Variants in TUT1 observed in about 807,000 individuals in gnomAD.
The protein encoded by TUT1 is speckle targeted PIP5K1A-regulated poly(A) polymerase.
In TUT1, 26 loss-of-function variants were observed where a neutral mutation model predicts 48.8. The observed-to-expected ratio is 0.53, with a 90% CI of 0.39 to 0.74. TUT1 has a LOEUF of 0.74. TUT1 is among the 30% of genes least tolerant of loss of function. The pLI, the probability that TUT1 is intolerant of heterozygous loss-of-function variation, is 0.00. For synonymous variants in TUT1, 470 were observed against 460.8 expected (o/e 1.02, Z -0.26); for missense variants, 1,065 against 1,114.8 (o/e 0.96, Z 0.64).
rs148526207 is a variant in TUT1 at position 62,590,744 on chromosome 11, T to G, written c.82+660A>C. ...GGGGTATGGTTTGAGCCCGGGAGGT[T>G]GAGGCTGCAGTGAGCCAAGATCACA... On this transcript the variant is annotated intron_variant, in intron 1 of 8. Transcript: ENST00000476907. Among the ~76,000 whole-genome samples the G allele has an allele frequency of 7.4e-5, 11 of 149,176 alleles. No homozygotes were observed. In the East Asian group the frequency reaches 2.1e-3, roughly 29 times the overall value.
In TUT1 at chr11:62,576,225, G is replaced by T; in HGVS notation, c.1494C>A (p.Phe498Leu). 2 of 1,594,326 alleles carry T rather than the reference G, an allele frequency of 1.3e-6. No homozygotes were observed. The highest frequency in any genetic ancestry group is 1.3e-5 in the African/African-American group (1 of 74,178). The part of the protein sequence containing the change: ...VEPLSSLLAQ[F>L]FSCVSCWDLR... Reference sequence around the variant, plus strand: ...GATCCCAACAAGATACACAGGAGAAGAACTGGGCTAGCAGGGAACCTGGAG... The same window carrying T: ...GATCCCAACAAGATACACAGGAGAATAACTGGGCTAGCAGGGAACCTGGAG... Residue 498 changes from phenylalanine (F) to leucine (L), a missense_variant, in exon 9 of 9, where the codon TTC becomes TTA. Physicochemically the swap from Phe to Leu is conservative, Grantham distance 22. Coordinates refer to ENST00000476907, the MANE Select transcript of TUT1 (RefSeq NM_022830.3).
chr11:62,576,096 G>A lies in TUT1; in HGVS notation c.1623C>T (p.Leu541=), dbSNP rs544937112. ...TGTGACTCAGGTCAAAAGGGTCCTG[G>A]AGATTCAGGGGGCCAAGGCGCAGAC... ...WEGLRLGPLN[L]QDPFDLSHNV... The change falls in exon 9 of 9, where the codon CTC becomes CTT. Residue 541 remains leucine (L), a synonymous_variant. Coordinates refer to ENST00000476907, the MANE Select transcript of TUT1 (RefSeq NM_022830.3). 6.2e-6 allele frequency: 10 copies of A among 1,614,042 alleles called. No homozygotes were observed. The African/African-American group carries it at 1.2e-4, about 19-fold the overall frequency.
intron 1 of TUT1, among the ~76,000 whole-genome samples, chr11:62,590,742 GT>G (rs1941997160): frequency 1.3e-5 from 2 of 151,870 alleles, no homozygotes; most frequent in African/African-American, 4.8e-5. Context: ...AGCCCGGGAG[GT>G]TGAGGCTGCA....
intron 2 of TUT1, chr11:62,582,586 C>A: frequency 2.2e-6 from 1 of 455,224 alleles, no homozygotes; most frequent in Non-Finnish European, 4.4e-6. Context: ...TGAGAGACAG[C>A]GAGACCCTGT....
chr11:62,591,412 G>A lies in TUT1; in HGVS notation c.74C>T (p.Thr25Ile). 3 of 1,597,072 alleles carry A rather than the reference G, an allele frequency of 1.9e-6. No individual in the cohort carries two copies. The highest frequency in any genetic ancestry group is 2.6e-6 in the Non-Finnish European group (3 of 1,172,568). Residue 25 changes from threonine (T) to isoleucine (I), a missense_variant, in exon 1 of 9, where the codon ACA (threonine) becomes ATA (isoleucine). Physicochemically the swap from Thr to Ile is moderately conservative, Grantham distance 89. Coordinates refer to ENST00000476907, the MANE Select transcript of TUT1 (RefSeq NM_022830.3). Reference sequence around the variant, plus strand: ...CACTAGCCACCGCTTACGGTTGGCTGTAGTAACGTGGCAGAGGCAGCAGCG... The same window carrying A: ...CACTAGCCACCGCTTACGGTTGGCTATAGTAACGTGGCAGAGGCAGCAGCG... Reference protein sequence around the residue: ...GFRCCLCHVTTANRPSLDAHL... With the variant: ...GFRCCLCHVTIANRPSLDAHL...
chr11:62,580,601 CTTTTTTTTTT>C (rs1220183156), intron 4 of TUT1, among the ~76,000 whole-genome samples: 1 of 111,972 alleles, frequency 8.9e-6, no homozygotes, highest in African/African-American at 3.7e-5. Flanking sequence ...CATGTCAATT[CTTTTTTTTTT>C]TTTTTTTTTT....
chr11:62,581,147 G>A lies in TUT1; in HGVS notation c.649C>T (p.Leu217Phe). 2 of 1,614,162 alleles carry A rather than the reference G, an allele frequency of 1.2e-6. No homozygotes were observed. Among genetic ancestry groups the A allele is most frequent in the South Asian group, 1.1e-5 (1 of 91,086 alleles). The change falls in exon 4 of 9, where the codon CTT (leucine) becomes TTT (phenylalanine). Residue 217 changes from leucine to phenylalanine, a missense_variant. Transcript: ENST00000476907. ...INSFDVHGCD[L>F]DLFLDLGDLE... ...TCACCCAGATCCAAGAAGAGGTCAA[G>A]ATCACAGCCATGGACATCGAAGCTA...
At chr11:62,585,413 C>T (rs1011453882) in intron 2 of TUT1, among the ~76,000 whole-genome samples, 1 of 152,204 alleles carries the variant, frequency 6.6e-6, no homozygotes, top group African/African-American at 2.4e-5. Context: ...CTGCAGTACA[C>T]CACCAAGTTT....
chr11:62,579,546 A>G (rs992842626), intron 4 of TUT1, among the ~76,000 whole-genome samples: 7 of 152,218 alleles, frequency 4.6e-5, no homozygotes, highest in African/African-American at 1.7e-4. Flanking sequence ...GTGTAGAGAA[A>G]GATAAAAATA....
intron 2 of TUT1, among the ~76,000 whole-genome samples, chr11:62,587,749 G>A (rs992901186): frequency 6.6e-6 from 1 of 152,236 alleles, no homozygotes; most frequent in Non-Finnish European, 1.5e-5. Context: ...GGGCTGCAAA[G>A]GGATATTTTG....
intron 5 of TUT1, 27 bp downstream of exon 5, chr11:62,578,534 A>G: frequency 6.4e-7 from 1 of 1,552,026 alleles, no homozygotes; most frequent in Non-Finnish European, 8.7e-7. Flanking sequence ...AACGAGTGAA[A>G]TGTCGTCTCA....
intron 4 of TUT1, among the ~76,000 whole-genome samples, chr11:62,580,266 C>T (rs530729935): frequency 1.5e-4 from 23 of 152,134 alleles, no homozygotes; most frequent in African/African-American, 5.5e-4. Flanking sequence ...CAAGACCAGT[C>T]TGGCCTACAT....
At position 62,578,909 on chromosome 11, in the gene TUT1, T is replaced by C. The variant is rs555954379; in HGVS notation, c.812A>G (p.Gln271Arg). 38 of 1,587,136 alleles carry C rather than the reference T, an allele frequency of 2.4e-5. No individual in the cohort carries two copies. In the South Asian group the frequency reaches 4.1e-4, roughly 17 times the overall value. ...TTCAAAGTCCAGGGCTTCAGAATCC[T>C]GGGGAGAAGCAGGAGGTTGTGAATC... Reference protein sequence around the residue: ...PPDSQPPASPQDSEALDFETP... With the variant: ...PPDSQPPASPRDSEALDFETP... The change falls in exon 5 of 9, where the codon CAG (glutamine) becomes CGG (arginine). Residue 271 changes from glutamine (Q) to arginine (R), a missense_variant. Coordinates refer to ENST00000476907, the MANE Select transcript of TUT1 (RefSeq NM_022830.3).
At chr11:62,584,943 T>A (rs1427169378) in intron 2 of TUT1, among the ~76,000 whole-genome samples, 1 of 151,940 alleles carries the variant, frequency 6.6e-6, no homozygotes, top group Non-Finnish European at 1.5e-5. Flanking sequence ...TGCCTCAGTC[T>A]CCTGAATAGC....
intron 5 of TUT1, among the ~76,000 whole-genome samples, chr11:62,577,570 G>A (rs1941750046): frequency 7.2e-6 from 1 of 139,166 alleles, no homozygotes; most frequent in Admixed American, 7.4e-5. Flanking sequence ...GGGTGACAGA[G>A]CAACATCCCA....
intron 2 of TUT1, chr11:62,582,543 C>G (rs1941846298): frequency 4.4e-6 from 2 of 450,542 alleles, no homozygotes; most frequent in African/African-American, 2.0e-5. Context: ...CTGCAGTGAG[C>G]TGTGATTGTG....
At position 62,579,022 on chromosome 11, in the gene TUT1, T is replaced by G. The variant is rs1322817179; in HGVS notation, c.699A>C (p.Pro233=). ...CCAGCGATGGAGATTCTGGAGCCTTTGGGACTGGCTGTGGACAGAAATGAA... is the reference window on the plus strand; with the variant it reads ...CCAGCGATGGAGATTCTGGAGCCTTGGGGACTGGCTGTGGACAGAAATGAA... ...LGDLEEPQPV[P]KAPESPSLDS... Residue 233 remains proline, a synonymous_variant, in exon 5 of 9, where the codon CCA becomes CCC. Coordinates refer to ENST00000476907, the MANE Select transcript of TUT1 (RefSeq NM_022830.3). 1.3e-6 allele frequency: 2 copies of G among 1,511,502 alleles called. No homozygotes were observed. The highest frequency in any genetic ancestry group is 4.6e-5 in the Admixed American group (2 of 43,690). The allele number at this position is 1,511,502 out of a possible 1,614,324, so 93.6% of individuals were successfully genotyped here. A position where few individuals can be genotyped will look rare whatever the true frequency, so the allele number is the denominator to read the frequency against.
intron 1 of TUT1, among the ~76,000 whole-genome samples, 185 bp from the exon 2 acceptor site, chr11:62,589,406 T>C (rs1235800166): frequency 1.3e-5 from 2 of 152,170 alleles, no homozygotes; most frequent in South Asian, 4.1e-4. Context: ...CATTCTTTTT[T>C]TTTTAATTTA....
rs1288777903 is a variant in TUT1, at chr11:62,576,539, A to C, written c.1474+118T>G. ...TCATCTGTAAAATGGCAGTAATAAT[A>C]TTAGGTATCTCACAGGCTTTCTGTG... On this transcript the variant is annotated intron_variant, in intron 8 of 8. Transcript: ENST00000476907. 1.9e-5 allele frequency: 18 copies of C among 924,864 alleles called. No homozygotes were observed. In the Admixed American group the frequency reaches 4.2e-4, roughly 22 times the overall value. The allele number at this position is 924,864 out of a possible 1,614,324, so 57.3% of individuals were successfully genotyped here.
Sources: allele counts gnomAD v4.1 joint callset (sites outside exome capture counted in the v4.1 genomes callset), GRCh38; gene constraint gnomAD v4.1.1; transcripts MANE v1.5; gene names NCBI Gene and HGNC (gene_info 2026-07-23, HGNC 2026-07-21).